Variants in HSPG2 observed in about 807,000 individuals in gnomAD.
HSPG2 encodes the protein heparan sulfate proteoglycan 2.
Under a neutral mutation model 526.6 loss-of-function variants are expected in HSPG2, and 278 were observed. That is an observed-to-expected ratio of 0.53 (90% CI 0.48 to 0.58). The LOEUF (loss-of-function observed/expected upper bound fraction) is 0.58. HSPG2 is among the 20% of genes least tolerant of loss of function. HSPG2 has a pLI of 0.00. For missense variants in HSPG2, 5,354 were observed against 6,099.5 expected (o/e 0.88, Z 4.07); for synonymous variants, 2,465 against 2,555.4 (o/e 0.96, Z 1.07).
chr1:21,828,403 C>T lies in HSPG2; in HGVS notation c.12261G>A (p.Leu4087=). The stretch of plus-strand genomic sequence containing the variant: ...TGCCTAGGAAACTGTAGGTGAGGTC[C>T]AGCCGTTTGCCATTCACTGACACCT... ...VGEVSVNGKR[L]DLTYSFLGSQ... Residue 4087 remains leucine (L), a synonymous_variant, in exon 89 of 97, where the codon CTG becomes CTA. Coordinates refer to ENST00000374695, the MANE Select transcript of HSPG2 (RefSeq NM_005529.7). This position sits in a 1 kb window ranked among gnomAD's most constrained non-coding sequence, Gnocchi z 6.0. The T allele has an allele frequency of 6.2e-7, 1 of 1,613,656 alleles. No individual in the cohort carries two copies. The highest frequency in any genetic ancestry group is 8.5e-7 in the Non-Finnish European group (1 of 1,180,020).
chr1:21,831,858 G>A (rs1488215279), intron 81 of HSPG2, 62 bp from the exon 82 acceptor site: 14 of 1,521,344 alleles, frequency 9.2e-6, no homozygotes, highest in Non-Finnish European at 1.2e-5. Context: ...GAAGGGCTAG[G>A]GGCCCAGTTG....
intron 1 of HSPG2, chr1:21,908,374 A>T: frequency 9.3e-7 from 1 of 1,071,552 alleles, no homozygotes; most frequent in Non-Finnish European, 1.4e-6. Context: ...TAATGTGCGT[A>T]TTGAGCACAT....
chr1:21,832,502 C>T lies in HSPG2; in HGVS notation c.11200G>A (p.Glu3734Lys), dbSNP rs757541406. ...GGAGGCTGGGGGTCTCACCGGAACT[C>T]GGGCCTTCCCCCCACGAGGCCGAAG... ...ISFGLVGGRP[E>K]FRFDAGSGMA... is the part of the protein sequence containing the mutation. The change falls in exon 81 of 97, where the codon GAG (glutamate) becomes AAG (lysine). Residue 3734 changes from glutamate (E) to lysine (K), a missense_variant. By Grantham distance (56) the Glu-to-Lys change is moderately conservative (BLOSUM62 1). Transcript: ENST00000374695. The T allele has an allele frequency of 8.9e-5, 143 of 1,613,868 alleles. No individual in the cohort carries two copies. The highest frequency in any genetic ancestry group is 4.9e-4 in the Middle Eastern group (3 of 6,076).
intron 1 of HSPG2, among the ~76,000 whole-genome samples, chr1:21,926,242 C>T (rs890978739): frequency 5.9e-5 from 9 of 152,136 alleles, no homozygotes; most frequent in Non-Finnish European, 1.3e-4. Flanking sequence ...CAGTGGGAGG[C>T]CTGGCTCTAA....
At chr1:21,870,747 C>A in intron 33 of HSPG2, 2 of 777,640 alleles carry the variant, frequency 2.6e-6, no homozygotes, top group Non-Finnish European at 3.1e-6. Flanking sequence ...TTGGGCACTG[C>A]GCATCTCCCC....
In HSPG2 at chr1:21,873,065, CTA is replaced by C. The variant is rs1455099625; in HGVS notation, c.3818_3819del (p.Ile1273ArgfsTer5). On this transcript the variant is annotated frameshift_variant, in exon 31 of 97. Coordinates refer to ENST00000374695, the MANE Select transcript of HSPG2 (RefSeq NM_005529.7). LOFTEE classifies it high-confidence loss of function. Reference sequence around the variant, plus strand: ...CTGCCTTGGGGGTCACAGTTGCAGCCTATGGGCCCTGGCACCTGGCTGTCTCC... The same window carrying C: ...CTGCCTTGGGGGTCACAGTTGCAGCCTGGGCCCTGGCACCTGGCTGTCTCC... ...CQRDSQVPGP[I>X]GCNCDPQGSV... The C allele has an allele frequency of 3.7e-6, 6 of 1,602,494 alleles. No individual in the cohort carries two copies. Among genetic ancestry groups the C allele is most frequent in the African/African-American group, 1.3e-5 (1 of 75,060 alleles).
intron 1 of HSPG2, among the ~76,000 whole-genome samples, chr1:21,935,304 T>G (rs1644460457): frequency 6.6e-6 from 1 of 152,116 alleles, no homozygotes; most frequent in African/African-American, 2.4e-5. Context: ...ACCCTCCATG[T>G]GTTGCTGAGA....
Position 21,847,975 on chromosome 1 carries a change from C to A in HSPG2, c.7856G>T (p.Gly2619Val). Residue 2619 changes from glycine (G) to valine (V), a missense_variant, in exon 60 of 97, where the codon GGC becomes GTC. Physicochemically the swap from Gly to Val is moderately radical, Grantham distance 109. Coordinates refer to ENST00000374695, the MANE Select transcript of HSPG2 (RefSeq NM_005529.7). The surrounding 1 kb of genome is among the most constrained non-coding windows in gnomAD (Gnocchi z 4.1). ...RETSLIVTIQ[G>V]SGSSHVPSVS... ...GCTCTCACCGTGGGAGGAACCGCTG[C>A]CCTGGATGGTGACGATGAGCGAGGT... 1 of 1,613,812 alleles carries A rather than the reference C, an allele frequency of 6.2e-7. No homozygotes were observed. The highest frequency in any genetic ancestry group is 8.5e-7 in the Non-Finnish European group (1 of 1,180,032).
Position 21,851,651 on chromosome 1 carries a change from T to C in HSPG2, c.7053A>G (p.Gln2351=), listed in dbSNP as rs965364443. 9.9e-6 allele frequency: 16 copies of C among 1,613,818 alleles called. No homozygotes were observed. In the African/African-American group the frequency reaches 2.0e-4, roughly 20 times the overall value. ...QPIRIEPSSS[Q]VAEGQTLDLN... ...GATCCAGGGTCTGCCCTTCCGCCACTTGCGAGGAGGAGGGCTCGATGCGGA... is the reference window on the plus strand; with the variant it reads ...GATCCAGGGTCTGCCCTTCCGCCACCTGCGAGGAGGAGGGCTCGATGCGGA... Residue 2351 remains glutamine (Q), a synonymous_variant, in exon 55 of 97, where the codon CAA becomes CAG. Coordinates refer to ENST00000374695, the MANE Select transcript of HSPG2 (RefSeq NM_005529.7).
rs772756994 is a variant in HSPG2, at chr1:21,828,001, T to A, written c.12532+29A>T. The stretch of plus-strand genomic sequence containing the variant: ...GAGCTCCGGGGCCCCAAGACAGAGA[T>A]GAAGTGGAGAGAAGCCAGGCCTGGG... On this transcript the variant is annotated intron_variant, in intron 90 of 96. Transcript: ENST00000374695. This position sits in a 1 kb window ranked among gnomAD's most constrained non-coding sequence, Gnocchi z 6.0. The A allele has an allele frequency of 1.2e-6, 2 of 1,613,234 alleles. No individual in the cohort carries two copies. Among genetic ancestry groups the A allele is most frequent in the Admixed American group, 1.7e-5 (1 of 59,954 alleles).
In HSPG2 at chr1:21,887,211, T is replaced by A; in HGVS notation, c.1078+4A>T. The A allele has an allele frequency of 6.2e-7, 1 of 1,609,778 alleles. No individual in the cohort carries two copies. Among genetic ancestry groups the A allele is most frequent in the Non-Finnish European group, 8.5e-7 (1 of 1,178,446 alleles). On this transcript the variant is annotated splice_donor_region_variant and intron_variant, in intron 9 of 96. Transcript: ENST00000374695. This position sits in a 1 kb window ranked among gnomAD's most constrained non-coding sequence, Gnocchi z 5.0. ...GGGCCTCAGCTGGACCCTCGGATAC[T>A]CACGGCAGTTGGCTTCATCAGTTCG... is the stretch of plus-strand genomic sequence containing the variant.
chr1:21,857,024 G>A lies in HSPG2; in HGVS notation c.5566C>T (p.His1856Tyr), dbSNP rs1026973256. Reference protein sequence around the residue: ...FAMDQGTATLHVQASGTLSAP... With the variant: ...FAMDQGTATLYVQASGTLSAP... ...TAGATGGGAGGTGTACCCTGCACATGTAGAGTGGCTGTGCCCTGGTCCATG... is the reference window on the plus strand; with the variant it reads ...TAGATGGGAGGTGTACCCTGCACATATAGAGTGGCTGTGCCCTGGTCCATG... The change falls in exon 44 of 97, where the codon CAT becomes TAT. Residue 1856 changes from histidine (H) to tyrosine (Y), a missense_variant. Transcript: ENST00000374695. The A allele has an allele frequency of 3.1e-6, 5 of 1,614,024 alleles. No homozygotes were observed. The African/African-American group carries it at 4.0e-5, about 13-fold the overall frequency.
At chr1:21,851,154 A>G (rs1638861892) in intron 55 of HSPG2, among the ~76,000 whole-genome samples, 1 of 151,832 alleles carries the variant, frequency 6.6e-6, no homozygotes, top group Non-Finnish European at 1.5e-5. Flanking sequence ...TATATTTTTA[A>G]TAGAGATGGG....
At chr1:21,935,723 T>C (rs951797585) in intron 1 of HSPG2, among the ~76,000 whole-genome samples, 3 of 152,192 alleles carry the variant, frequency 2.0e-5, no homozygotes, top group East Asian at 3.9e-4. Flanking sequence ...GGAAAGACTG[T>C]TGGGCCTCGG....
Position 21,847,141 on chromosome 1 carries a change from A to G in HSPG2, c.8164+213T>C, listed in dbSNP as rs1262814786. On this transcript the variant is annotated intron_variant, in intron 62 of 96. Coordinates refer to ENST00000374695, the MANE Select transcript of HSPG2 (RefSeq NM_005529.7). This position sits in a 1 kb window ranked among gnomAD's most constrained non-coding sequence, Gnocchi z 4.1. ...TCCTGTGATGATGGAAATGCTTTTT[A>G]TCTGCACAGGCCAAGTCAGTGGCTG... Among the ~76,000 whole-genome samples the G allele has an allele frequency of 6.6e-6, 1 of 152,256 alleles. No individual in the cohort carries two copies. The highest frequency in any genetic ancestry group is 1.5e-5 in the Non-Finnish European group (1 of 68,046).
Position 21,885,094 on chromosome 1 carries a change from G to A in HSPG2, c.1274C>T (p.Thr425Ile), listed in dbSNP as rs755472169. The change falls in exon 11 of 97, where the codon ACC (threonine) becomes ATC (isoleucine). Residue 425 changes from threonine (T) to isoleucine (I), a missense_variant. Physicochemically the swap from Thr to Ile is moderately conservative, Grantham distance 89 (BLOSUM62 -1). Transcript: ENST00000374695. ...GACGCCAATGGCCACGCAGGTGAAG[G>A]TCACTGTCTGGCCCCGGGAAGCCTG... ...SIQASRGQTV[T>I]FTCVAIGVPT... 1 of 1,613,644 alleles carries A rather than the reference G, an allele frequency of 6.2e-7. No individual in the cohort carries two copies. Among genetic ancestry groups the A allele is most frequent in the Admixed American group, 1.7e-5 (1 of 60,020 alleles).
At position 21,823,272 on chromosome 1, in the gene HSPG2, G is replaced by A. The variant is rs926096387; in HGVS notation, c.*44C>T. 5 of 1,438,966 alleles carry A rather than the reference G, an allele frequency of 3.5e-6. No homozygotes were observed. The highest frequency in any genetic ancestry group is 4.6e-6 in the Non-Finnish European group (5 of 1,088,758). 89.1% of individuals were successfully genotyped at this position (1,438,966 alleles called of 1,614,324 possible). A position where few individuals can be genotyped will look rare whatever the true frequency, so the allele number is the denominator to read the frequency against. On this transcript the variant is annotated 3_prime_UTR_variant, in exon 97 of 97. Coordinates refer to ENST00000374695, the MANE Select transcript of HSPG2 (RefSeq NM_005529.7). The stretch of plus-strand genomic sequence containing the variant: ...TAATAATAATATACTCGACATTGTC[G>A]GGCTGGGGCGTGGCCCGGGAGTCCG...
rs776644273 is a variant in HSPG2, at chr1:21,859,788, C to A, written c.5182+47G>T. 2.5e-6 allele frequency: 4 copies of A among 1,604,694 alleles called. No homozygotes were observed. The highest frequency in any genetic ancestry group is 2.7e-5 in the African/African-American group (2 of 75,014). ...GCAGGGACAGGCCCCTGCCTCCCCT[C>A]CCACTGGGATGGCTCTTGGGGCTGA... On this transcript the variant is annotated intron_variant, in intron 41 of 96. Coordinates refer to ENST00000374695, the MANE Select transcript of HSPG2 (RefSeq NM_005529.7). This position sits in a 1 kb window ranked among gnomAD's most constrained non-coding sequence, Gnocchi z 5.3.
chr1:21,873,963 A>G lies in HSPG2; in HGVS notation c.3705T>C (p.Asp1235=), dbSNP rs1415007256. The G allele has an allele frequency of 6.2e-7, 1 of 1,606,340 alleles. No homozygotes were observed. The highest frequency in any genetic ancestry group is 1.1e-5 in the South Asian group (1 of 89,162). Residue 1235 remains aspartate (D), a synonymous_variant, in exon 29 of 97, where the codon GAT becomes GAC. Coordinates refer to ENST00000374695, the MANE Select transcript of HSPG2 (RefSeq NM_005529.7). ...GCCCACTGTGGCCTGGGGAGCACGCATCACAGGTGGGGTGGCCGTCTGTGT... is the reference window on the plus strand; with the variant it reads ...GCCCACTGTGGCCTGGGGAGCACGCGTCACAGGTGGGGTGGCCGTCTGTGT... The part of the protein sequence containing the change: ...FLDTDGHPTC[D]ACSPGHSGRH...
Sources: allele counts gnomAD v4.1 joint callset (sites outside exome capture counted in the v4.1 genomes callset), GRCh38; gene constraint gnomAD v4.1.1; non-coding constraint Gnocchi (gnomAD v3.1); transcripts MANE v1.5; gene names NCBI Gene and HGNC (gene_info 2026-07-23, HGNC 2026-07-21).